The following CAPN13 variants were observed in gnomAD, a reference collection of about 807,000 sequenced individuals.
CAPN13 encodes the protein calpain-13.
Under a neutral mutation model 98.4 loss-of-function variants are expected in CAPN13, and 90 were observed. The ratio of observed to expected loss-of-function variants is 0.92; its 90% CI spans 0.77 to 1.09. The LOEUF is 1.09. Ranked by LOEUF, CAPN13 falls within the 50% of genes least tolerant of loss-of-function variation. The pLI is 0.00. For missense variants in CAPN13, 887 were observed against 841.3 expected, an observed-to-expected ratio of 1.05 and a Z score of -0.67; for synonymous variants, 330 against 305.5, an observed-to-expected ratio of 1.08 and a Z score of -0.84.
At chr2:30,745,022 T>TCCA (rs1409530970) in intron 12 of CAPN13, among the ~76,000 whole-genome samples, 4 of 152,066 alleles carry the variant, frequency 2.6e-5, no homozygotes, top group Non-Finnish European at 5.9e-5. Flanking sequence ...ACAGGCAGGC[T>TCCA]CCCCTGGAAG....
intron 11 of CAPN13, 56 bp downstream of exon 11, chr2:30,751,047 A>T: frequency 6.3e-7 from 1 of 1,582,356 alleles, no homozygotes; most frequent in East Asian, 2.3e-5. Context: ...GTTCTCCCCA[A>T]CTCAAGGTTT....
chr2:30,776,938 G>T (rs1673727548), intron 3 of CAPN13, among the ~76,000 whole-genome samples: 1 of 152,260 alleles, frequency 6.6e-6, no homozygotes, highest in Non-Finnish European at 1.5e-5. Context: ...GATTTCACCA[G>T]GCGAAGTTCA....
chr2:30,754,497 G>C, intron 8 of CAPN13, 133 bp from the exon 9 acceptor site: 2 of 607,744 alleles, frequency 3.3e-6, no homozygotes, highest in Non-Finnish European at 5.4e-6. Context: ...TCCTACCTAG[G>C]ACAGGACCCA....
At chr2:30,774,288 G>T (rs975375165) in intron 4 of CAPN13, among the ~76,000 whole-genome samples, 1 of 151,758 alleles carries the variant, frequency 6.6e-6, no homozygotes, top group African/African-American at 2.4e-5. Flanking sequence ...AATAAAGATA[G>T]GATTGAAATA....
intron 22 of CAPN13, among the ~76,000 whole-genome samples, chr2:30,724,827 G>A (rs1558601496): frequency 6.6e-6 from 1 of 151,798 alleles, no homozygotes; most frequent in Non-Finnish European, 1.5e-5. Context: ...CAGGTCTCTC[G>A]AAAAGAATTT....
chr2:30,770,787 G>C (rs932071972), intron 4 of CAPN13, among the ~76,000 whole-genome samples: 5 of 152,202 alleles, frequency 3.3e-5, no homozygotes, highest in Non-Finnish European at 7.3e-5. Flanking sequence ...GGTACTTCTT[G>C]TGCACAAAAT....
chr2:30,743,741 G>A, intron 12 of CAPN13, 162 bp from the exon 13 acceptor site: 2 of 724,036 alleles, frequency 2.8e-6, no homozygotes, highest in Non-Finnish European at 4.9e-6. Context: ...TCAAAAAGCA[G>A]TAGTGTTTAG....
At chr2:30,775,484 A>G (rs116763357) in intron 4 of CAPN13, among the ~76,000 whole-genome samples, 4,038 of 152,294 alleles carry the variant, frequency 0.027, 67 homozygotes, top group Middle Eastern at 0.055. Flanking sequence ...AAAATAGACA[A>G]AATAATTTTA....
chr2:30,785,077 C>T (rs902781413), intron 2 of CAPN13, among the ~76,000 whole-genome samples: 36 of 152,210 alleles, frequency 2.4e-4, no homozygotes, highest in African/African-American at 8.7e-4. Flanking sequence ...TTCTTTCTTG[C>T]ACGTGTGAAC....
At chr2:30,785,540 G>A (rs1028630545) in intron 2 of CAPN13, among the ~76,000 whole-genome samples, 1 of 152,164 alleles carries the variant, frequency 6.6e-6, no homozygotes, top group Non-Finnish European at 1.5e-5. Flanking sequence ...GCCCCTGGCT[G>A]CCTCTATTTT....
chr2:30,747,176 A>AGCCT (rs1274830177), intron 11 of CAPN13, among the ~76,000 whole-genome samples: 7 of 152,218 alleles, frequency 4.6e-5, no homozygotes, highest in African/African-American at 1.7e-4. Context: ...TTCCATTGTA[A>AGCCT]GCCTCTCTAC....
intron 5 of CAPN13, among the ~76,000 whole-genome samples, chr2:30,767,031 A>C (rs1264944200): frequency 6.6e-6 from 1 of 152,242 alleles, no homozygotes; most frequent in East Asian, 1.9e-4. Context: ...CTCCACAAGC[A>C]GCAAAAGACA....
intron 22 of CAPN13, among the ~76,000 whole-genome samples, chr2:30,729,032 A>T (rs1558604109): frequency 6.6e-6 from 1 of 152,220 alleles, no homozygotes; most frequent in Non-Finnish European, 1.5e-5. Flanking sequence ...ACTCCAGAAG[A>T]CAGAGACAGG....
chr2:30,764,370 T>A (rs1673006849), intron 5 of CAPN13, 64 bp from the exon 6 acceptor site: 2 of 1,546,992 alleles, frequency 1.3e-6, no homozygotes, highest in Admixed American at 1.7e-5. Context: ...GAGGGGAGCT[T>A]GTGCACTGAT....
intron 1 of CAPN13, among the ~76,000 whole-genome samples, chr2:30,803,358 A>C (rs1051857585): frequency 2.0e-5 from 3 of 152,110 alleles, no homozygotes; most frequent in Non-Finnish European, 4.4e-5. Context: ...TCTGGTCTGC[A>C]GGCTGGGACA....
chr2:30,750,144 G>GT (rs1028693661), intron 11 of CAPN13, among the ~76,000 whole-genome samples: 11 of 152,200 alleles, frequency 7.2e-5, no homozygotes, highest in African/African-American at 2.2e-4. Context: ...AAAAACAGCT[G>GT]TTTTTTTCTG....
At chr2:30,738,521 C>T in intron 15 of CAPN13, 64 bp from the exon 16 acceptor site, 1 of 1,503,116 alleles carries the variant, frequency 6.7e-7, no homozygotes. Flanking sequence ...GGCACATCTG[C>T]CTGCCGTGTA....
At chr2:30,736,278 T>C (rs1269374400) in intron 18 of CAPN13, among the ~76,000 whole-genome samples, 1 of 152,140 alleles carries the variant, frequency 6.6e-6, no homozygotes, top group Non-Finnish European at 1.5e-5. Context: ...AGCATTCTCC[T>C]CCCACCTCCA....
At chr2:30,746,177 G>A (rs780511010) in intron 11 of CAPN13, among the ~76,000 whole-genome samples, 24 of 152,108 alleles carry the variant, frequency 1.6e-4, no homozygotes, top group Admixed American at 9.2e-4. Flanking sequence ...GGTTATAGGC[G>A]TGAACCACTG....
Sources: allele counts gnomAD v4.1 joint callset (sites outside exome capture counted in the v4.1 genomes callset), GRCh38; gene constraint gnomAD v4.1.1; transcripts MANE v1.5; gene names NCBI Gene and HGNC (gene_info 2026-07-23, HGNC 2026-07-21).